ST6GALNAC5: variants seen among roughly 807,000 people sequenced by gnomAD.
ST6GALNAC5 encodes the protein ST6 N-acetylgalactosaminide alpha-2,6-sialyltransferase 5, also known as alpha-N-acetylgalactosaminide alpha-2,6-sialyltransferase 5.
In ST6GALNAC5, 27 loss-of-function variants were observed where a neutral mutation model predicts 33.6. The ratio of observed to expected loss-of-function variants is 0.80; its 90% CI spans 0.59 to 1.11. ST6GALNAC5 has a LOEUF of 1.11. Ranked by LOEUF, ST6GALNAC5 falls within the 50% of genes least tolerant of loss-of-function variation. The pLI is 0.00. For missense variants in ST6GALNAC5, 428 were observed against 454.0 expected (o/e 0.94, Z 0.52); for synonymous variants, 194 against 171.2 (o/e 1.13, Z -1.04).
At chr1:76,945,269 G>GAA (rs35827706) in intron 2 of ST6GALNAC5, among the ~76,000 whole-genome samples, 1 of 144,784 alleles carries the variant, frequency 6.9e-6, no homozygotes, top group African/African-American at 2.5e-5. Context: ...ATTTGTGGGA[G>GAA]AAAAAAAAAA....
intron 2 of ST6GALNAC5, among the ~76,000 whole-genome samples, chr1:77,020,245 C>T (rs1446688231): frequency 1.3e-5 from 2 of 152,058 alleles, no homozygotes; most frequent in Non-Finnish European, 2.9e-5. Flanking sequence ...TTTTAAGTGC[C>T]GAGAATGTGG....
intron 2 of ST6GALNAC5, among the ~76,000 whole-genome samples, chr1:76,936,663 A>G (rs914459653): frequency 6.6e-5 from 10 of 152,120 alleles, no homozygotes; most frequent in African/African-American, 2.4e-4. Context: ...CTTAATTTAC[A>G]GAACATTATT....
intron 4 of ST6GALNAC5, among the ~76,000 whole-genome samples, chr1:77,058,849 G>C (rs1652483105): frequency 6.6e-6 from 1 of 152,110 alleles, no homozygotes; most frequent in African/African-American, 2.4e-5. Context: ...TGTCTCCCTG[G>C]GTATCAGATG....
chr1:77,015,086 CAT>C (rs1491189296), intron 2 of ST6GALNAC5, among the ~76,000 whole-genome samples: 5,252 of 63,350 alleles, frequency 0.083, 195 homozygotes, highest in African/African-American at 0.29. Flanking sequence ...CACACACACA[CAT>C]GGAGCTTTAT....
intron 2 of ST6GALNAC5, among the ~76,000 whole-genome samples, chr1:76,882,555 T>A (rs749376876): frequency 6.6e-6 from 1 of 152,266 alleles, no homozygotes; most frequent in Non-Finnish European, 1.5e-5. Flanking sequence ...AAAAGGAAAC[T>A]TTTTTAGTAT....
intron 2 of ST6GALNAC5, among the ~76,000 whole-genome samples, chr1:76,938,226 C>G (rs1364786231): frequency 1.3e-5 from 2 of 151,930 alleles, no homozygotes; most frequent in African/African-American, 4.8e-5. Flanking sequence ...GAAGGCAGAG[C>G]CAGGCTGCCA....
chr1:77,045,434 G>A (rs1483116267), intron 3 of ST6GALNAC5, among the ~76,000 whole-genome samples: 1 of 152,184 alleles, frequency 6.6e-6, no homozygotes, highest in Non-Finnish European at 1.5e-5. Flanking sequence ...GAAATTAGTG[G>A]TGATGGTTGC....
intron 2 of ST6GALNAC5, among the ~76,000 whole-genome samples, chr1:76,906,513 G>T (rs575537641): frequency 2.4e-4 from 36 of 152,290 alleles, no homozygotes; most frequent in African/African-American, 8.7e-4. Flanking sequence ...ATGGAAAAGA[G>T]AATTAATGCC....
intron 2 of ST6GALNAC5, among the ~76,000 whole-genome samples, chr1:77,025,641 TG>T (rs1651202735): frequency 6.6e-6 from 1 of 151,936 alleles, no homozygotes; most frequent in South Asian, 2.1e-4. Context: ...GAGGCTGTGG[TG>T]GGGTGACCAG....
intron 2 of ST6GALNAC5, among the ~76,000 whole-genome samples, chr1:76,884,212 C>T (rs1434324834): frequency 1.3e-5 from 2 of 152,170 alleles, no homozygotes; most frequent in Non-Finnish European, 2.9e-5. Flanking sequence ...TGCAGACAGT[C>T]TGAATGCAGA....
At chr1:76,981,313 C>G (rs1439665793) in intron 2 of ST6GALNAC5, among the ~76,000 whole-genome samples, 1 of 152,222 alleles carries the variant, frequency 6.6e-6, no homozygotes, top group African/African-American at 2.4e-5. Context: ...AAGGTCTTAG[C>G]AACTGGCAGA....
At chr1:76,869,891 T>C (rs1343537146) in intron 2 of ST6GALNAC5, among the ~76,000 whole-genome samples, 1 of 150,306 alleles carries the variant, frequency 6.7e-6, no homozygotes, top group Non-Finnish European at 1.5e-5. Flanking sequence ...TAGATAAAAA[T>C]GTGTAATAAA....
intron 4 of ST6GALNAC5, among the ~76,000 whole-genome samples, chr1:77,052,564 A>T (rs1652259198): frequency 6.6e-6 from 1 of 151,858 alleles, no homozygotes; most frequent in South Asian, 2.1e-4. Flanking sequence ...TATTAATAAG[A>T]TATGTAAAAT....
chr1:76,892,489 G>A (rs145124362), intron 2 of ST6GALNAC5, among the ~76,000 whole-genome samples: 1 of 152,176 alleles, frequency 6.6e-6, no homozygotes, highest in Admixed American at 6.5e-5. Flanking sequence ...TAGTCCATAT[G>A]TTTATAAATA....
Position 77,062,992 on chromosome 1 carries a change from C to A in ST6GALNAC5, c.797C>A (p.Ser266Ter). 6.2e-7 allele frequency: 1 copy of A among 1,613,862 alleles called. No homozygotes were observed. The highest frequency in any genetic ancestry group is 8.5e-7 in the Non-Finnish European group (1 of 1,179,834). ...TCCTACAGGGATCCCAATCACCCTT[C>A]AGTACCTTATCATTATTATGAACCT... Reference protein sequence around the residue: ...PDFCRDPNHPSVPYHYYEPFG... With the variant: ...PDFCRDPNHP The change falls in exon 5 of 5, where the codon TCA becomes TAA. Residue 266 changes from serine to a stop codon, truncating the protein, a stop_gained. Transcript: ENST00000477717. LOFTEE classifies it high-confidence loss of function.
At position 76,868,819 on chromosome 1, in the gene ST6GALNAC5, G is replaced by T. The variant is rs1475730001; in HGVS notation, c.261+77G>T. ...ACCTGAGCCTTCCCCCTTTCCCGGG[G>T]CTGGGAGGCGCTGTGAGTAGGTGCC... is the stretch of plus-strand genomic sequence containing the variant. On this transcript the variant is annotated intron_variant, in intron 2 of 4. Coordinates refer to ENST00000477717, the MANE Select transcript of ST6GALNAC5 (RefSeq NM_030965.3). This position sits in a 1 kb window ranked among gnomAD's most constrained non-coding sequence, Gnocchi z 4.3. The T allele has an allele frequency of 1.2e-5, 17 of 1,430,012 alleles. No homozygotes were observed. The highest frequency in any genetic ancestry group is 1.5e-5 in the Non-Finnish European group (17 of 1,098,250). The allele number at this position is 1,430,012 out of a possible 1,614,324, so 88.6% of individuals were successfully genotyped here.
At chr1:77,047,452 G>A (rs1652056556) in intron 3 of ST6GALNAC5, among the ~76,000 whole-genome samples, 1 of 152,184 alleles carries the variant, frequency 6.6e-6, no homozygotes, top group African/African-American at 2.4e-5. Context: ...CAGATCTCAT[G>A]ATCAGGACTT....
intron 2 of ST6GALNAC5, among the ~76,000 whole-genome samples, chr1:76,975,360 G>A (rs1648964565): frequency 6.6e-6 from 1 of 152,132 alleles, no homozygotes; most frequent in African/African-American, 2.4e-5. Flanking sequence ...TGAAATAAAA[G>A]TTATATCTAT....
At chr1:76,914,113 T>C (rs372380134) in intron 2 of ST6GALNAC5, among the ~76,000 whole-genome samples, 6 of 152,058 alleles carry the variant, frequency 3.9e-5, no homozygotes, top group Non-Finnish European at 7.4e-5. Context: ...AATAAAATAC[T>C]TAGGAATCCA....
Sources: allele counts gnomAD v4.1 joint callset (sites outside exome capture counted in the v4.1 genomes callset), GRCh38; gene constraint gnomAD v4.1.1; non-coding constraint Gnocchi (gnomAD v3.1); transcripts MANE v1.5; gene names NCBI Gene and HGNC (gene_info 2026-07-23, HGNC 2026-07-21).